The following ADCY10 variants were observed in gnomAD, a reference collection of about 807,000 sequenced individuals.
ADCY10 encodes adenylate cyclase type 10.
Under a neutral mutation model 183.3 loss-of-function variants are expected in ADCY10, and 156 were observed. That is an observed-to-expected ratio of 0.85 (90% CI 0.75 to 0.97). ADCY10 has a LOEUF of 0.97. ADCY10 is among the 50% of genes least tolerant of loss of function. The pLI, the probability that ADCY10 is intolerant of heterozygous loss-of-function variation, is 0.00. For synonymous variants in ADCY10, 645 were observed against 670.0 expected (o/e 0.96, Z 0.58); for missense variants, 1,745 against 1,934.3 (o/e 0.90, Z 1.84).
At chr1:167,847,645 C>A (rs1665142216) in intron 19 of ADCY10, among the ~76,000 whole-genome samples, 1 of 152,068 alleles carries the variant, frequency 6.6e-6, no homozygotes, top group African/African-American at 2.4e-5. Flanking sequence ...GTCTCTAGAA[C>A]TTCTGACCTC....
intron 8 of ADCY10, among the ~76,000 whole-genome samples, chr1:167,885,694 C>T (rs1349932737): frequency 1.3e-5 from 2 of 152,148 alleles, no homozygotes; most frequent in Non-Finnish European, 2.9e-5. Context: ...CATCTCACTG[C>T]AACCTCCGCC....
At chr1:167,811,017 C>T in intron 31 of ADCY10, 104 bp from the exon 32 acceptor site, 1 of 1,096,040 alleles carries the variant, frequency 9.1e-7, no homozygotes, top group Admixed American at 2.0e-5. Flanking sequence ...AGGATTTAAG[C>T]AATCAAGTGA....
chr1:167,858,497 C>CAAAA (rs57443879), intron 16 of ADCY10, among the ~76,000 whole-genome samples: 69 of 70,298 alleles, frequency 9.8e-4, no homozygotes, highest in South Asian at 1.7e-3. Flanking sequence ...GACTCTGTCT[C>CAAAA]AAAAAAAAAA....
intron 5 of ADCY10, among the ~76,000 whole-genome samples, chr1:167,900,660 G>T (rs1409258196): frequency 6.6e-6 from 1 of 152,046 alleles, no homozygotes; most frequent in Non-Finnish European, 1.5e-5. Flanking sequence ...AGCCTCCCAA[G>T]TAGCTGAGAT....
chr1:167,857,520 T>C (rs959114498), intron 16 of ADCY10, among the ~76,000 whole-genome samples: 3 of 152,186 alleles, frequency 2.0e-5, no homozygotes, highest in Admixed American at 1.3e-4. Flanking sequence ...TATTCATAAA[T>C]TGAAGAGAAT....
chr1:167,877,996 G>A (rs1373988781), intron 12 of ADCY10, among the ~76,000 whole-genome samples: 1 of 152,218 alleles, frequency 6.6e-6, no homozygotes, highest in Non-Finnish European at 1.5e-5. Context: ...AAGCTTCAAA[G>A]TGACACCCAT....
rs752350736 is a variant in ADCY10, at chr1:167,846,058, C to G, written c.2643G>C (p.Lys881Asn). The G allele has an allele frequency of 1.9e-6, 3 of 1,614,218 alleles. No homozygotes were observed. Among genetic ancestry groups the G allele is most frequent in the African/African-American group, 2.7e-5 (2 of 75,054 alleles). The change falls in exon 20 of 33, where the codon AAG (lysine) becomes AAC (asparagine). Residue 881 changes from lysine (K) to asparagine (N), a missense_variant. By Grantham distance (94) the Lys-to-Asn change is moderately conservative (BLOSUM62 0). Transcript: ENST00000367851. ...ATGAGGGATCATTCTGTTTCAGGGC[C>G]TTTTGAAGCTCCTTGCCATTCCGGA... ...YCFRNGKELQKALKQNDPSFE... is the reference protein window; with the variant it reads ...YCFRNGKELQNALKQNDPSFE...
At chr1:167,875,044 T>A in intron 13 of ADCY10, 87 bp downstream of exon 13, 1 of 1,089,566 alleles carries the variant, frequency 9.2e-7, no homozygotes, top group Non-Finnish European at 1.4e-6. Flanking sequence ...GATAATTCAT[T>A]AAGCTGCACA....
At chr1:167,874,176 T>G (rs1490685907) in intron 13 of ADCY10, among the ~76,000 whole-genome samples, 1 of 151,822 alleles carries the variant, frequency 6.6e-6, no homozygotes, top group African/African-American at 2.4e-5. Flanking sequence ...CACTAAAATA[T>G]AAAAATTAGC....
intron 18 of ADCY10, among the ~76,000 whole-genome samples, chr1:167,849,851 C>G (rs951748678): frequency 6.6e-6 from 1 of 152,098 alleles, no homozygotes; most frequent in African/African-American, 2.4e-5. Context: ...GAGGCCAACG[C>G]GAAGGCACAG....
chr1:167,842,618 C>G (rs548513911), intron 21 of ADCY10, among the ~76,000 whole-genome samples: 17 of 151,838 alleles, frequency 1.1e-4, no homozygotes, highest in African/African-American at 4.1e-4. Flanking sequence ...CCTAGTAACC[C>G]TAGGGAAAAT....
intron 24 of ADCY10, among the ~76,000 whole-genome samples, 179 bp downstream of exon 24, chr1:167,833,791 C>A (rs1215811076): frequency 2.0e-5 from 3 of 149,812 alleles, no homozygotes; most frequent in African/African-American, 7.3e-5. Flanking sequence ...CAGGGAAGAT[C>A]TTGCTGGTAA....
intron 21 of ADCY10, among the ~76,000 whole-genome samples, chr1:167,842,544 T>A (rs1405241494): frequency 6.6e-6 from 1 of 151,670 alleles, no homozygotes; most frequent in Non-Finnish European, 1.5e-5. Context: ...ACAGAGTATC[T>A]ATCTGTCTAG....
chr1:167,818,851 A>G (rs1345131175), intron 30 of ADCY10, among the ~76,000 whole-genome samples: 1 of 152,040 alleles, frequency 6.6e-6, no homozygotes, highest in African/African-American at 2.4e-5. Flanking sequence ...TTGGCTTTTT[A>G]AATTAAAAAG....
chr1:167,882,577 G>T (rs1667944759), intron 9 of ADCY10, among the ~76,000 whole-genome samples: 1 of 151,998 alleles, frequency 6.6e-6, no homozygotes, highest in African/African-American at 2.4e-5. Context: ...AGGGGAACTG[G>T]AGGTGTTGAC....
In ADCY10 at chr1:167,904,006, C is replaced by T; in HGVS notation, c.149-15G>A. ...TGCAGTAAAACCTGGAATAAATGTG[C>T]AGCTGGTTTCCTTGGCTGCTTGGGG... On this transcript the variant is annotated splice_polypyrimidine_tract_variant and intron_variant, in intron 2 of 32. Coordinates refer to ENST00000367851, the MANE Select transcript of ADCY10 (RefSeq NM_018417.6). 4.4e-6 allele frequency: 7 copies of T among 1,585,208 alleles called. No homozygotes were observed. Among genetic ancestry groups the T allele is most frequent in the Non-Finnish European group, 6.1e-6 (7 of 1,155,228 alleles).
In ADCY10 at chr1:167,810,865, G is replaced by A. The variant is rs1297291684; in HGVS notation, c.4531C>T (p.Pro1511Ser). 1.2e-6 allele frequency: 2 copies of A among 1,614,034 alleles called. No homozygotes were observed. The highest frequency in any genetic ancestry group is 2.2e-5 in the South Asian group (2 of 91,074). Residue 1511 changes from proline to serine, a missense_variant, in exon 32 of 33, where the codon CCA becomes TCA. Pro to Ser is a moderately conservative substitution (Grantham distance 74). Transcript: ENST00000367851. ...AQNTTGPVFC[P>S]RLYHLMAYVC... ...TAAGCCATCAGGTGGTAGAGCCTTG[G>A]GCAAAAGACAGGGCCAGTGGTATTT...
chr1:167,877,723 G>C (rs1282879907), intron 12 of ADCY10, among the ~76,000 whole-genome samples: 3 of 152,198 alleles, frequency 2.0e-5, no homozygotes, highest in Non-Finnish European at 4.4e-5. Context: ...GAAGACAAAG[G>C]GGGAAAGAGC....
At chr1:167,837,190 T>C (rs1174217041) in intron 22 of ADCY10, 59 bp downstream of exon 22, 1 of 1,453,388 alleles carries the variant, frequency 6.9e-7, no homozygotes, top group African/African-American at 1.4e-5. Context: ...CTAATAGTGT[T>C]CTGAATTTAA....
Sources: gnomAD v4.1 joint callset for allele counts (sites outside exome capture counted in the v4.1 genomes callset) on GRCh38, gnomAD v4.1.1 for gene constraint, MANE v1.5 for transcripts, NCBI Gene and HGNC (gene_info 2026-07-23, HGNC 2026-07-21) for gene names.